The following EEA1 variants were observed in gnomAD, a reference collection of about 807,000 sequenced individuals.
EEA1 encodes the protein early endosome antigen 1, also known as early endosome antigen 1, 162kD.
In EEA1, 111 loss-of-function variants were observed where a neutral mutation model predicts 209.2. That is an observed-to-expected ratio of 0.53 (90% confidence interval 0.45 to 0.62). The LOEUF is 0.62. EEA1 is among the 20% of genes least tolerant of loss of function. The pLI is 0.00. For synonymous variants in EEA1, 536 were observed against 540.6 expected (o/e 0.99, Z 0.12); for missense variants, 1,343 against 1,530.8 (o/e 0.88, Z 2.05).
chr12:92,868,842 T>A (rs7965181), intron 2 of EEA1, among the ~76,000 whole-genome samples: 53,112 of 152,014 alleles, frequency 0.35, 10,911 homozygotes, highest in East Asian at 0.88. Context: ...TAAATATTTA[T>A]CACTGAAAAG....
At chr12:92,820,825 A>C (rs2136682578) in intron 13 of EEA1, among the ~76,000 whole-genome samples, 1 of 151,952 alleles carries the variant, frequency 6.6e-6, no homozygotes, top group Non-Finnish European at 1.5e-5. Flanking sequence ...TTCAAACCTT[A>C]ACTGAAATTT....
intron 17 of EEA1, among the ~76,000 whole-genome samples, chr12:92,810,654 A>AT (rs1875445186): frequency 6.6e-6 from 1 of 151,534 alleles, no homozygotes; most frequent in Non-Finnish European, 1.5e-5. Context: ...AATTTTTAAA[A>AT]ATTTTTTTTT....
chr12:92,809,258 T>TA, intron 17 of EEA1, 102 bp from the exon 18 acceptor site: 1 of 776,148 alleles, frequency 1.3e-6, no homozygotes, highest in Non-Finnish European at 1.8e-6. Flanking sequence ...AGGTGTGACA[T>TA]ACAAAAAAAA....
Position 92,900,318 on chromosome 12 carries a change from G to T in EEA1, c.25-8597C>A, listed in dbSNP as rs370220098. On this transcript the variant is annotated intron_variant, in intron 1 of 28. Transcript: ENST00000322349. ...GTTGTTCTTAGCCTAGGGAATCTCA[G>T]ATTTCCTAGTATAGTATGGAAGAGC... 3.5e-4 allele frequency among the ~76,000 whole-genome samples: 54 copies of T among 152,228 alleles called. 1 individual carries two copies. Among genetic ancestry groups the T allele is most frequent in the African/African-American group, 1.0e-3 (43 of 41,532 alleles).
chr12:92,835,071 C>T (rs1459783070), intron 10 of EEA1, among the ~76,000 whole-genome samples: 2 of 151,668 alleles, frequency 1.3e-5, no homozygotes, highest in Admixed American at 6.6e-5. Context: ...TTAGTAGAGA[C>T]GGGGTTTCAC....
intron 5 of EEA1, among the ~76,000 whole-genome samples, chr12:92,856,767 CT>C (rs57579359): frequency 2.1e-3 from 180 of 86,672 alleles, no homozygotes; most frequent in African/African-American, 6.8e-3. Flanking sequence ...ATACCTGATT[CT>C]TTTTTTTTTT....
At chr12:92,815,461 A>T (rs1875734839) in intron 15 of EEA1, among the ~76,000 whole-genome samples, 1 of 152,210 alleles carries the variant, frequency 6.6e-6, no homozygotes, top group Admixed American at 6.5e-5. Flanking sequence ...AAAGAAAGAA[A>T]TGTATATTCT....
At chr12:92,867,569 T>TA (rs1432176676) in intron 2 of EEA1, among the ~76,000 whole-genome samples, 2 of 151,960 alleles carry the variant, frequency 1.3e-5, no homozygotes, top group African/African-American at 4.8e-5. Context: ...AATAAATAAA[T>TA]AAAAAAACTG....
chr12:92,811,063 C>T (rs559403585), intron 17 of EEA1, among the ~76,000 whole-genome samples: 15 of 152,110 alleles, frequency 9.9e-5, no homozygotes, highest in African/African-American at 3.4e-4. Context: ...TGTAAGTTGA[C>T]TGTCATTTAT....
At chr12:92,822,650 G>C (rs1364670584) in intron 13 of EEA1, among the ~76,000 whole-genome samples, 3 of 151,818 alleles carry the variant, frequency 2.0e-5, no homozygotes, top group African/African-American at 4.8e-5. Context: ...ATCACTTAAG[G>C]GGTGGTGTTT....
At position 92,858,558 on chromosome 12, in the gene EEA1, C is replaced by A. The variant is rs113285804; in HGVS notation, c.246-1073G>T. 328 of 769,628 alleles carry A rather than the reference C, an allele frequency of 4.3e-4. No homozygotes were observed. In the African/African-American group the frequency reaches 5.0e-3, roughly 12 times the overall value. 47.7% of individuals were successfully genotyped at this position (769,628 alleles called of 1,614,324 possible). A position where few individuals can be genotyped will look rare whatever the true frequency, so the allele number is the denominator to read the frequency against. ...GGCCTTTAACCATTGTCTTAGCATA[C>A]AAGCTTAAAGCCAAACTGGCAGAAC... is the stretch of plus-strand genomic sequence containing the variant. On this transcript the variant is annotated intron_variant, in intron 3 of 28. Coordinates refer to ENST00000322349, the MANE Select transcript of EEA1 (RefSeq NM_003566.4).
At chr12:92,851,321 C>T (rs893272727) in intron 8 of EEA1, 55 bp from the exon 9 acceptor site, 2 of 1,494,092 alleles carry the variant, frequency 1.3e-6, no homozygotes. Flanking sequence ...AAATAATACA[C>T]ATTTTTAGAA....
At chr12:92,779,770 C>T (rs1488615802) in intron 24 of EEA1, among the ~76,000 whole-genome samples, 2 of 152,030 alleles carry the variant, frequency 1.3e-5, no homozygotes, top group Non-Finnish European at 1.5e-5. Flanking sequence ...TGAGTGCTCT[C>T]AAGAAAGAAT....
At chr12:92,814,839 T>A (rs1875700732) in intron 15 of EEA1, among the ~76,000 whole-genome samples, 1 of 152,180 alleles carries the variant, frequency 6.6e-6, no homozygotes, top group South Asian at 2.1e-4. Context: ...AAAGGTGTAT[T>A]ATGGAACTTT....
At chr12:92,839,571 AAG>A (rs1877078346) in intron 10 of EEA1, among the ~76,000 whole-genome samples, 1 of 152,226 alleles carries the variant, frequency 6.6e-6, no homozygotes, top group South Asian at 2.1e-4. Flanking sequence ...CTAGACATTA[AAG>A]AGGTTTCCAA....
At chr12:92,829,510 G>A (rs980713856) in intron 11 of EEA1, among the ~76,000 whole-genome samples, 7 of 152,058 alleles carry the variant, frequency 4.6e-5, no homozygotes, top group Non-Finnish European at 8.8e-5. Flanking sequence ...TGGGCGCGGT[G>A]GCTCATGCCT....
At chr12:92,880,975 C>T (rs1227094086) in intron 2 of EEA1, among the ~76,000 whole-genome samples, 1 of 152,152 alleles carries the variant, frequency 6.6e-6, no homozygotes, top group South Asian at 2.1e-4. Flanking sequence ...AGTTCTTTGC[C>T]TCATATATTC....
chr12:92,801,568 A>G (rs372728603), intron 20 of EEA1, 32 bp downstream of exon 20: 58 of 1,406,996 alleles, frequency 4.1e-5, no homozygotes, highest in Non-Finnish European at 5.4e-5. Flanking sequence ...ACTATACTTT[A>G]CAGATTTTAT....
At chr12:92,912,900 T>A (rs1416724089) in intron 1 of EEA1, among the ~76,000 whole-genome samples, 1 of 152,240 alleles carries the variant, frequency 6.6e-6, no homozygotes, top group East Asian at 1.9e-4. Flanking sequence ...TGAGCAGTAT[T>A]CCATGGTATA....
Sources: allele counts gnomAD v4.1 joint callset (sites outside exome capture counted in the v4.1 genomes callset), GRCh38; gene constraint gnomAD v4.1.1; transcripts MANE v1.5; gene names NCBI Gene and HGNC (gene_info 2026-07-23, HGNC 2026-07-21).